The following PAK2 variants were observed in gnomAD, a reference collection of about 807,000 sequenced individuals.
The protein encoded by PAK2 is serine/threonine-protein kinase PAK 2.
A neutral mutation model predicts 65.9 loss-of-function variants in PAK2; 21 were observed. That is an observed-to-expected ratio of 0.32 (90% confidence interval 0.23 to 0.46). The LOEUF (loss-of-function observed/expected upper bound fraction) is 0.46. Ranked by LOEUF, PAK2 falls within the 20% of genes least tolerant of loss-of-function variation. The probability of loss-of-function intolerance (pLI) is 1.00; values close to 1 mark genes in which losing one functional copy is unlikely to be tolerated. For missense variants in PAK2, 324 were observed against 642.6 expected, an observed-to-expected ratio of 0.50 and a Z score of 5.36; for synonymous variants, 204 against 219.7, an observed-to-expected ratio of 0.93 and a Z score of 0.63.
At chr3:196,804,422 A>G (rs1715514927) in intron 4 of PAK2, among the ~76,000 whole-genome samples, 2 of 152,024 alleles carry the variant, frequency 1.3e-5, no homozygotes, top group Admixed American at 6.5e-5. Context: ...ATTTTCACCT[A>G]GTACACATAC....
At chr3:196,822,888 T>G (rs2108774732) in intron 13 of PAK2, among the ~76,000 whole-genome samples, 1 of 152,046 alleles carries the variant, frequency 6.6e-6, no homozygotes, top group East Asian at 1.9e-4. Context: ...TGAGAGATGA[T>G]TCTGGACCTC....
intron 7 of PAK2, among the ~76,000 whole-genome samples, chr3:196,808,598 C>T (rs915398794): frequency 1.4e-5 from 2 of 141,352 alleles, no homozygotes; most frequent in African/African-American, 5.3e-5. Flanking sequence ...GGCACTGTGG[C>T]TCATGCCTAT....
intron 1 of PAK2, among the ~76,000 whole-genome samples, chr3:196,777,569 T>A (rs536097524): frequency 1.3e-5 from 2 of 152,310 alleles, no homozygotes; most frequent in African/African-American, 2.4e-5. Flanking sequence ...ACAAAAACTC[T>A]TTGGACTCTT....
chr3:196,744,509 G>A (rs527885360), intron 1 of PAK2, among the ~76,000 whole-genome samples: 1 of 152,312 alleles, frequency 6.6e-6, no homozygotes, highest in East Asian at 1.9e-4. Context: ...TTGCATTCCA[G>A]CCTGGGTGAC....
At chr3:196,813,152 CAG>C (rs1715882184) in intron 10 of PAK2, among the ~76,000 whole-genome samples, 1 of 152,024 alleles carries the variant, frequency 6.6e-6, no homozygotes, top group Non-Finnish European at 1.5e-5. Flanking sequence ...TCTTGACTGA[CAG>C]AGGGGACTGG....
rs1712102031 is a variant in PAK2 at position 196,831,896 on chromosome 3, G to A, written c.*3491G>A. ...GTGGAACTTCATAGTAATACAAAAA[G>A]CAGATTGTCTTCCTGTCTCCGCTGC... On this transcript the variant is annotated 3_prime_UTR_variant, in exon 15 of 15. Coordinates refer to ENST00000327134, the MANE Select transcript of PAK2 (RefSeq NM_002577.4). 6.6e-6 allele frequency: 1 copy of A among 152,108 alleles called. No homozygotes were observed. 9.4% of individuals were successfully genotyped at this position (152,108 alleles called of 1,614,324 possible). A position where few individuals can be genotyped will look rare whatever the true frequency, so the allele number is the denominator to read the frequency against.
intron 11 of PAK2, among the ~76,000 whole-genome samples, chr3:196,815,617 T>A (rs1715996010): frequency 6.6e-6 from 1 of 151,648 alleles, no homozygotes; most frequent in Admixed American, 6.6e-5. Context: ...TGAAACCCCG[T>A]CTCTACTAAA....
intron 1 of PAK2, among the ~76,000 whole-genome samples, chr3:196,759,525 T>TTTTTTTTTTG (rs1713891612): frequency 2.3e-5 from 3 of 131,628 alleles, no homozygotes; most frequent in Non-Finnish European, 4.9e-5. Flanking sequence ...TTTTTTTTTT[T>TTTTTTTTTTG]TTTTTTTTTT....
chr3:196,801,245 GGTTTGCTGT>G (rs1284602414), intron 2 of PAK2, among the ~76,000 whole-genome samples: 5 of 152,120 alleles, frequency 3.3e-5, no homozygotes, highest in Non-Finnish European at 7.4e-5. Flanking sequence ...GTGGAAATGG[GGTTTGCTGT>G]GTTTGCTGTC....
intron 4 of PAK2, among the ~76,000 whole-genome samples, chr3:196,804,854 CAT>C (rs1715536910): frequency 1.3e-5 from 2 of 149,254 alleles, no homozygotes; most frequent in Non-Finnish European, 3.0e-5. Flanking sequence ...TACACACACA[CAT>C]ATACACACAC....
intron 1 of PAK2, among the ~76,000 whole-genome samples, chr3:196,750,331 C>T (rs919529058): frequency 6.6e-6 from 1 of 151,848 alleles, no homozygotes; most frequent in Non-Finnish European, 1.5e-5. Context: ...AGAGACGGTT[C>T]ACTCTGTTGC....
chr3:196,813,095 C>T lies in PAK2; in HGVS notation c.935+244C>T, dbSNP rs550209448. Among the ~76,000 whole-genome samples, 199 of 152,172 alleles carry T rather than the reference C, an allele frequency of 1.3e-3. 1 individual carries two copies. The highest frequency in any genetic ancestry group is 1.3e-3 in the African/African-American group (56 of 41,530). ...CATAGCTGGTGGTGTTTATACTCAT[C>T]GCAAACGACCTGAAGCGAACACATG... On this transcript the variant is annotated intron_variant, in intron 10 of 14. Coordinates refer to ENST00000327134, the MANE Select transcript of PAK2 (RefSeq NM_002577.4).
At chr3:196,825,423 C>T (rs1711820138) in intron 13 of PAK2, among the ~76,000 whole-genome samples, 2 of 151,822 alleles carry the variant, frequency 1.3e-5, no homozygotes, top group African/African-American at 4.9e-5. Context: ...GCGGGCAGAT[C>T]ACAAAGTTGG....
At chr3:196,799,685 C>T (rs902720149) in intron 2 of PAK2, among the ~76,000 whole-genome samples, 4 of 152,298 alleles carry the variant, frequency 2.6e-5, no homozygotes, top group East Asian at 1.9e-4. Context: ...GGCAGTCTCA[C>T]GCTGTGACTC....
chr3:196,743,575 C>T (rs1378577062), intron 1 of PAK2, among the ~76,000 whole-genome samples: 1 of 151,992 alleles, frequency 6.6e-6, no homozygotes, highest in African/African-American at 2.4e-5. Flanking sequence ...AGGCCGGGTG[C>T]GGTGGCTCAC....
chr3:196,777,323 CCGCCCG>C (rs1714568109), intron 1 of PAK2, among the ~76,000 whole-genome samples: 1 of 152,118 alleles, frequency 6.6e-6, no homozygotes, highest in East Asian at 1.9e-4. Context: ...CCTGCCTCAG[CCGCCCG>C]AGTAGCTGGG....
At chr3:196,774,413 T>C (rs942472153) in intron 1 of PAK2, among the ~76,000 whole-genome samples, 1 of 152,178 alleles carries the variant, frequency 6.6e-6, no homozygotes, top group Non-Finnish European at 1.5e-5. Flanking sequence ...TGTGAATTTG[T>C]TTTCCTGTGT....
intron 2 of PAK2, among the ~76,000 whole-genome samples, chr3:196,786,513 C>G (rs1310381566): frequency 6.6e-6 from 1 of 152,066 alleles, no homozygotes; most frequent in East Asian, 1.9e-4. Context: ...AAATTTTTGT[C>G]TTACTTGAGG....
intron 2 of PAK2, among the ~76,000 whole-genome samples, chr3:196,794,331 A>T (rs1038567771): frequency 6.6e-6 from 1 of 152,194 alleles, no homozygotes; most frequent in African/African-American, 2.4e-5. Flanking sequence ...AACCAAGAAC[A>T]TACAGCACTA....
Sources: allele counts gnomAD v4.1 joint callset (sites outside exome capture counted in the v4.1 genomes callset), GRCh38; gene constraint gnomAD v4.1.1; transcripts MANE v1.5; gene names NCBI Gene and HGNC (gene_info 2026-07-23, HGNC 2026-07-21).